Variants in PTPRM observed in about 807,000 individuals in gnomAD.
The protein encoded by PTPRM is receptor-type tyrosine-protein phosphatase mu.
PTPRM carries 47 observed loss-of-function variants against 186.7 expected under a neutral mutation model. That is an observed-to-expected ratio of 0.25 (90% CI 0.20 to 0.32). The LOEUF (loss-of-function observed/expected upper bound fraction) is 0.32. PTPRM is among the 10% of genes least tolerant of loss of function. The pLI, the probability that PTPRM is intolerant of heterozygous loss-of-function variation, is 1.00. For synonymous variants in PTPRM, 668 were observed against 674.9 expected (o/e 0.99, Z 0.16); for missense variants, 1,494 against 1,865.0 (o/e 0.80, Z 3.66).
intron 24 of PTPRM, among the ~76,000 whole-genome samples, chr18:8,372,026 G>A (rs1234974391): frequency 7.0e-6 from 1 of 143,784 alleles, no homozygotes; most frequent in Non-Finnish European, 1.5e-5. Context: ...CTAGGGAATT[G>A]GATTTTGGCC....
At chr18:8,126,127 T>C (rs1287886697) in intron 13 of PTPRM, among the ~76,000 whole-genome samples, 1 of 149,560 alleles carries the variant, frequency 6.7e-6, no homozygotes, top group South Asian at 2.1e-4. Context: ...TTGTTCCCAG[T>C]GTAGCCCACA....
intron 19 of PTPRM, among the ~76,000 whole-genome samples, chr18:8,261,050 G>T (rs1251155420): frequency 1.3e-5 from 2 of 152,222 alleles, no homozygotes; most frequent in East Asian, 1.9e-4. Context: ...CATAGATTCT[G>T]TGTGCAGTCC....
intron 12 of PTPRM, 103 bp from the exon 13 acceptor site, chr18:8,114,688 G>A: frequency 1.1e-6 from 1 of 913,806 alleles, no homozygotes. Context: ...TCAGAACAGT[G>A]AGATCCTTCC....
At chr18:7,725,394 G>A (rs914703636) in intron 1 of PTPRM, among the ~76,000 whole-genome samples, 3 of 152,256 alleles carry the variant, frequency 2.0e-5, no homozygotes, top group Middle Eastern at 3.4e-3. Context: ...GATAGGGACA[G>A]GAGGCAGGGA....
chr18:7,711,061 G>C (rs1006767347), intron 1 of PTPRM, among the ~76,000 whole-genome samples: 1 of 152,134 alleles, frequency 6.6e-6, no homozygotes, highest in Non-Finnish European at 1.5e-5. Context: ...AATAGTAACA[G>C]CTCCAGTCTG....
At chr18:8,139,325 G>A (rs569134266) in intron 13 of PTPRM, among the ~76,000 whole-genome samples, 27 of 152,280 alleles carry the variant, frequency 1.8e-4, no homozygotes, top group Non-Finnish European at 1.3e-4. Flanking sequence ...CTGTCACAGC[G>A]TGTCTCAAGT....
intron 1 of PTPRM, among the ~76,000 whole-genome samples, chr18:7,746,575 C>G (rs1313540673): frequency 6.6e-6 from 1 of 152,056 alleles, no homozygotes; most frequent in Non-Finnish European, 1.5e-5. Flanking sequence ...AAGCAATTCT[C>G]CTGCCTCAGC....
chr18:7,876,648 C>G lies in PTPRM; in HGVS notation c.197-11458C>G, dbSNP rs573891266. Among the ~76,000 whole-genome samples, 61 of 152,304 alleles carry G rather than the reference C, an allele frequency of 4.0e-4. No individual in the cohort carries two copies. The South Asian group carries it at 0.013, about 32-fold the overall frequency. On this transcript the variant is annotated intron_variant, in intron 2 of 32. Coordinates refer to ENST00000580170, the MANE Select transcript of PTPRM (RefSeq NM_001105244.2). Reference sequence around the variant, plus strand: ...TGTCTCCTGTCCTCCAGCAGTCTAGCCTGGACCTGCCCCCGTGGTAGTGAG... The same window carrying G: ...TGTCTCCTGTCCTCCAGCAGTCTAGGCTGGACCTGCCCCCGTGGTAGTGAG...
At chr18:7,588,190 C>T (rs2037028605) in intron 1 of PTPRM, among the ~76,000 whole-genome samples, 1 of 152,124 alleles carries the variant, frequency 6.6e-6, no homozygotes, top group African/African-American at 2.4e-5. Flanking sequence ...ACTGTTTATA[C>T]TGAACTCCGG....
At chr18:8,236,100 T>C (rs2094343166) in intron 14 of PTPRM, among the ~76,000 whole-genome samples, 1 of 152,190 alleles carries the variant, frequency 6.6e-6, no homozygotes, top group African/African-American at 2.4e-5. Flanking sequence ...TGATTGATGG[T>C]GCTCTTGAAT....
intron 2 of PTPRM, among the ~76,000 whole-genome samples, chr18:7,834,774 A>G (rs942281874): frequency 5.3e-5 from 8 of 151,716 alleles, no homozygotes; most frequent in African/African-American, 1.9e-4. Context: ...TTTTATTACA[A>G]CTTCAATCCC....
intron 14 of PTPRM, among the ~76,000 whole-genome samples, chr18:8,177,306 C>G (rs994662492): frequency 6.6e-6 from 1 of 152,184 alleles, no homozygotes. Flanking sequence ...TGAGAACCTA[C>G]TGTTAAAATA....
intron 14 of PTPRM, among the ~76,000 whole-genome samples, chr18:8,239,672 T>A (rs75600812): frequency 1.3e-5 from 2 of 152,158 alleles, no homozygotes; most frequent in African/African-American, 4.8e-5. Context: ...TCTCTCCAAT[T>A]TGGGGGGCAG....
chr18:7,979,254 C>G (rs988635680), intron 7 of PTPRM, among the ~76,000 whole-genome samples: 5 of 152,160 alleles, frequency 3.3e-5, no homozygotes, highest in African/African-American at 1.2e-4. Flanking sequence ...GCATTCCCTT[C>G]TAGGATAGAA....
chr18:7,894,224 G>A (rs2049227751), intron 3 of PTPRM, among the ~76,000 whole-genome samples: 1 of 152,102 alleles, frequency 6.6e-6, no homozygotes, highest in African/African-American at 2.4e-5. Flanking sequence ...TTTATAAGGA[G>A]TTCTGTACTG....
At chr18:7,818,319 TCTAAC>T (rs1409264398) in intron 2 of PTPRM, among the ~76,000 whole-genome samples, 1 of 152,190 alleles carries the variant, frequency 6.6e-6, no homozygotes, top group Non-Finnish European at 1.5e-5. Context: ...TTAAAATGTA[TCTAAC>T]CATTCAGTTC....
intron 7 of PTPRM, among the ~76,000 whole-genome samples, chr18:8,065,009 C>T (rs1015007740): frequency 2.6e-5 from 4 of 152,096 alleles, no homozygotes; most frequent in African/African-American, 9.7e-5. Flanking sequence ...TGTAATACAC[C>T]TCCATAGAGT....
intron 31 of PTPRM, among the ~76,000 whole-genome samples, chr18:8,391,189 A>C (rs1023467188): frequency 2.0e-5 from 3 of 152,168 alleles, no homozygotes; most frequent in African/African-American, 7.2e-5. Context: ...CTGTACAACC[A>C]TTTGGAAACT....
chr18:7,839,710 G>C (rs897313242), intron 2 of PTPRM, among the ~76,000 whole-genome samples: 1 of 152,154 alleles, frequency 6.6e-6, no homozygotes, highest in African/African-American at 2.4e-5. Context: ...TGTCTCAGTG[G>C]GTTACATGCC....
Sources: allele counts gnomAD v4.1 joint callset (sites outside exome capture counted in the v4.1 genomes callset), GRCh38; gene constraint gnomAD v4.1.1; transcripts MANE v1.5; gene names NCBI Gene and HGNC (gene_info 2026-07-23, HGNC 2026-07-21).